LDLRAD4: variants seen among roughly 807,000 people sequenced by gnomAD.
LDLRAD4 encodes the protein low-density lipoprotein receptor class A domain-containing protein 4.
Under a neutral mutation model 17.0 loss-of-function variants are expected in LDLRAD4, and 5 were observed. That is an observed-to-expected ratio of 0.29 (90% CI 0.15 to 0.62). LDLRAD4 has a LOEUF of 0.62. LDLRAD4 is among the 20% of genes least tolerant of loss of function. The probability of loss-of-function intolerance (pLI) is 0.84; values close to 1 mark genes in which losing one functional copy is unlikely to be tolerated. For missense variants in LDLRAD4, 340 were observed against 424.7 expected, an observed-to-expected ratio of 0.80 and a Z score of 1.75; for synonymous variants, 168 against 171.8, an observed-to-expected ratio of 0.98 and a Z score of 0.17.
At chr18:13,232,137 T>C (rs568937489) in intron 1 of LDLRAD4, among the ~76,000 whole-genome samples, 3 of 152,234 alleles carry the variant, frequency 2.0e-5, no homozygotes, top group Non-Finnish European at 2.9e-5. Flanking sequence ...GGATGGAGTG[T>C]GGCGCGAGTA....
chr18:13,260,313 G>A (rs972245947), intron 1 of LDLRAD4, among the ~76,000 whole-genome samples: 2 of 152,198 alleles, frequency 1.3e-5, no homozygotes, highest in African/African-American at 2.4e-5. Flanking sequence ...CTCACTGCTG[G>A]CTGGTGTCTG....
intron 1 of LDLRAD4, among the ~76,000 whole-genome samples, chr18:13,344,679 G>A (rs529665385): frequency 2.0e-5 from 3 of 152,282 alleles, no homozygotes; most frequent in South Asian, 4.1e-4. Context: ...GGGCAGTATG[G>A]CCATTTTCAC....
At chr18:13,570,850 A>C (rs2094680242) in intron 3 of LDLRAD4, among the ~76,000 whole-genome samples, 1 of 151,156 alleles carries the variant, frequency 6.6e-6, no homozygotes, top group South Asian at 2.1e-4. Flanking sequence ...TCAAGGTCTC[A>C]CTCTGTCACC....
chr18:13,589,869 A>G (rs76335704), intron 3 of LDLRAD4, among the ~76,000 whole-genome samples: 2,072 of 152,328 alleles, frequency 0.014, 46 homozygotes, highest in African/African-American at 0.047. Context: ...AGTGACAGGC[A>G]GACGGGGTCT....
At chr18:13,611,859 C>T in intron 3 of LDLRAD4, 1 of 985,384 alleles carries the variant, frequency 1.0e-6, no homozygotes, top group Non-Finnish European at 1.2e-6. Context: ...GTACAGAGCT[C>T]GGTGGCAAGA....
chr18:13,263,312 C>G (rs1025243929), intron 1 of LDLRAD4, among the ~76,000 whole-genome samples: 4 of 151,922 alleles, frequency 2.6e-5, no homozygotes, highest in East Asian at 1.9e-4. Flanking sequence ...CCATGCGGCT[C>G]TGTGTGTGGA....
intron 1 of LDLRAD4, among the ~76,000 whole-genome samples, chr18:13,382,250 C>T (rs1227647674): frequency 2.6e-5 from 4 of 152,240 alleles, no homozygotes; most frequent in African/African-American, 7.2e-5. Flanking sequence ...GTGACCCTCA[C>T]ATTTCCTGAA....
At chr18:13,481,304 A>T (rs933564768) in intron 3 of LDLRAD4, among the ~76,000 whole-genome samples, 1 of 152,142 alleles carries the variant, frequency 6.6e-6, no homozygotes, top group African/African-American at 2.4e-5. Context: ...CTTGAGGCAG[A>T]CACTTCCCTC....
At chr18:13,487,049 C>T (rs2147042170) in intron 3 of LDLRAD4, 1 of 152,348 alleles carries the variant, frequency 6.6e-6, no homozygotes, top group South Asian at 2.1e-4. Flanking sequence ...TGAACCTGAG[C>T]ACCTTTTCAT....
chr18:13,284,138 A>G (rs1330228778), intron 1 of LDLRAD4, among the ~76,000 whole-genome samples: 15 of 152,186 alleles, frequency 9.9e-5, no homozygotes, highest in Admixed American at 9.2e-4. Context: ...GGCATTGAGA[A>G]AATCAGAAAT....
At chr18:13,643,313 C>T (rs2042766441) in intron 4 of LDLRAD4, 46 bp from the exon 6 acceptor site, 3 of 1,275,714 alleles carry the variant, frequency 2.4e-6, no homozygotes, top group Non-Finnish European at 3.2e-6. Context: ...AATGATTTTC[C>T]TCTGTTTCTT....
At chr18:13,585,620 C>A (rs1354995732) in intron 3 of LDLRAD4, among the ~76,000 whole-genome samples, 1 of 152,190 alleles carries the variant, frequency 6.6e-6, no homozygotes, top group African/African-American at 2.4e-5. Flanking sequence ...CCCACTCCCC[C>A]TTTCAAGCCC....
chr18:13,557,527 A>G (rs780783697), intron 3 of LDLRAD4, among the ~76,000 whole-genome samples: 4 of 152,178 alleles, frequency 2.6e-5, no homozygotes, highest in South Asian at 2.1e-4. Flanking sequence ...CAGCCTCCCA[A>G]GTAGCTGGGA....
chr18:13,296,242 T>A (rs2146492739), intron 1 of LDLRAD4, among the ~76,000 whole-genome samples: 1 of 152,386 alleles, frequency 6.6e-6, no homozygotes, highest in Admixed American at 6.5e-5. Context: ...GGGCTGTGAT[T>A]CTTCTGTATA....
intron 2 of LDLRAD4, among the ~76,000 whole-genome samples, chr18:13,394,778 A>C (rs2086528290): frequency 6.6e-6 from 1 of 152,236 alleles, no homozygotes; most frequent in East Asian, 1.9e-4. Flanking sequence ...AGCAACTTGC[A>C]TGTCTCATTA....
chr18:13,499,036 G>A lies in LDLRAD4; in HGVS notation c.181+60652G>A, dbSNP rs182105559. 4.8e-3 allele frequency among the ~76,000 whole-genome samples: 607 copies of A among 126,142 alleles called. 7 individuals carry two copies. Among genetic ancestry groups the A allele is most frequent in the African/African-American group, 0.018 (566 of 32,036 alleles). 82.8% of individuals were successfully genotyped at this position (126,142 alleles called of 152,430 possible). On this transcript the variant is annotated intron_variant, in intron 3 of 5. Coordinates refer to ENST00000359446, the Ensembl canonical transcript of LDLRAD4. ...CTGGAGAATCCTTCTTGCCACACACGTCCTGCCGTGGACACCGGAGAATCC... is the reference window on the plus strand; with the variant it reads ...CTGGAGAATCCTTCTTGCCACACACATCCTGCCGTGGACACCGGAGAATCC...
At chr18:13,248,563 G>A (rs1285807887) in intron 1 of LDLRAD4, among the ~76,000 whole-genome samples, 1 of 152,202 alleles carries the variant, frequency 6.6e-6, no homozygotes, top group Non-Finnish European at 1.5e-5. Context: ...ACACCAAGAT[G>A]TTAATAGCTC....
At chr18:13,308,545 GGCGAAGGT>G (rs929921840) in intron 1 of LDLRAD4, among the ~76,000 whole-genome samples, 1 of 152,208 alleles carries the variant, frequency 6.6e-6, no homozygotes, top group Non-Finnish European at 1.5e-5. Context: ...GTGAAAGGTG[GGCGAAGGT>G]GCCTGTTCGA....
chr18:13,613,721 G>T (rs1246805243), intron 3 of LDLRAD4: 2 of 152,212 alleles, frequency 1.3e-5, no homozygotes, highest in Non-Finnish European at 2.9e-5. Context: ...CGGGCTCGTG[G>T]AGTCTGCATT....
Sources: allele counts gnomAD v4.1 joint callset (sites outside exome capture counted in the v4.1 genomes callset), GRCh38; gene constraint gnomAD v4.1.1; transcripts MANE v1.5; gene names NCBI Gene and HGNC (gene_info 2026-07-23, HGNC 2026-07-21).